Variants in UNC13C observed in about 807,000 individuals in gnomAD.
The protein encoded by UNC13C is protein unc-13 homolog C.
Under a neutral mutation model 245.4 loss-of-function variants are expected in UNC13C, and 174 were observed. The observed-to-expected ratio is 0.71, with a 90% CI of 0.63 to 0.80. The LOEUF (loss-of-function observed/expected upper bound fraction) is 0.80, where lower values mean the gene tolerates loss of function less well. Ranked by LOEUF, UNC13C falls within the 30% of genes least tolerant of loss-of-function variation. The pLI is 0.00. For synonymous variants in UNC13C, 992 were observed against 895.1 expected, an observed-to-expected ratio of 1.11 and a Z score of -1.93; for missense variants, 2,829 against 2,602.9, an observed-to-expected ratio of 1.09 and a Z score of -1.89.
intron 2 of UNC13C, among the ~76,000 whole-genome samples, chr15:54,052,130 A>AT (rs1455931444): frequency 1.3e-4 from 14 of 107,288 alleles, no homozygotes; most frequent in Non-Finnish European, 2.7e-4. Flanking sequence ...CATGGTGTAT[A>AT]TGTGCCACAT....
chr15:54,166,824 G>A (rs1046001886), intron 4 of UNC13C, among the ~76,000 whole-genome samples: 2 of 152,096 alleles, frequency 1.3e-5, no homozygotes, highest in African/African-American at 2.4e-5. Flanking sequence ...ACATTTATGA[G>A]GGAAGTTAAA....
At chr15:54,313,062 G>A (rs955902397) in intron 13 of UNC13C, among the ~76,000 whole-genome samples, 2 of 151,660 alleles carry the variant, frequency 1.3e-5, no homozygotes, top group African/African-American at 2.4e-5. Context: ...CATCCATCAT[G>A]CCCCAGAAAT....
At chr15:53,998,792 ATGTTTTATGG>A (rs772125935) in intron 1 of UNC13C, among the ~76,000 whole-genome samples, 6 of 152,080 alleles carry the variant, frequency 3.9e-5, no homozygotes, top group Non-Finnish European at 7.4e-5. Context: ...TTGCTAAGAA[ATGTTTTATGG>A]CATAAATGGG....
intron 2 of UNC13C, chr15:54,044,369 G>A (rs566057465): frequency 3.3e-4 from 85 of 256,820 alleles, no homozygotes; most frequent in African/African-American, 1.8e-3. Flanking sequence ...TTTGGCTATT[G>A]TGAATGCGGC....
chr15:54,593,178 T>C (rs1308831625), intron 30 of UNC13C, among the ~76,000 whole-genome samples: 1 of 152,236 alleles, frequency 6.6e-6, no homozygotes, highest in African/African-American at 2.4e-5. Context: ...CTAAATCTCC[T>C]GTTAATCTGA....
chr15:53,905,781 A>G, the UNC13C span, among the ~76,000 whole-genome samples: 1 of 152,184 alleles, frequency 6.6e-6, no homozygotes, highest in South Asian at 2.1e-4. Context: ...CACCACACAC[A>G]CAAAGGTAAC....
chr15:54,523,969 T>A (rs2141136023), intron 24 of UNC13C, among the ~76,000 whole-genome samples: 1 of 152,278 alleles, frequency 6.6e-6, no homozygotes, highest in Non-Finnish European at 1.5e-5. Flanking sequence ...TTTAAAAAAA[T>A]TCAGCCTGCA....
In UNC13C at chr15:54,062,531, T is replaced by C. The variant is rs150368566; in HGVS notation, c.2983+46645T>C. On this transcript the variant is annotated intron_variant, in intron 2 of 32. Coordinates refer to ENST00000260323, the MANE Select transcript of UNC13C (RefSeq NM_001080534.3). ...AGCAAAATGAAACTGGTCCTAAACA[T>C]GTGGTGCTTTTTTACATCATTATGT... is the stretch of plus-strand genomic sequence containing the variant. Among the ~76,000 whole-genome samples, 1,507 of 152,258 alleles carry C rather than the reference T, an allele frequency of 9.9e-3. 6 individuals carry two copies. Among genetic ancestry groups the C allele is most frequent in the Middle Eastern group, 0.017 (5 of 294 alleles).
chr15:54,523,887 C>T (rs760639546), intron 24 of UNC13C, among the ~76,000 whole-genome samples: 8 of 152,038 alleles, frequency 5.3e-5, no homozygotes, highest in Non-Finnish European at 8.8e-5. Context: ...TCTCTCATTC[C>T]CTCTTCCCCA....
At chr15:54,150,814 T>TGGTCATG (rs1321782680) in intron 4 of UNC13C, among the ~76,000 whole-genome samples, 1 of 152,184 alleles carries the variant, frequency 6.6e-6, no homozygotes, top group East Asian at 1.9e-4. Flanking sequence ...ATCTATGAAA[T>TGGTCATG]TAAGATAAAA....
intron 32 of UNC13C, among the ~76,000 whole-genome samples, chr15:54,624,366 C>T (rs1440574782): frequency 6.7e-6 from 1 of 150,098 alleles, no homozygotes; most frequent in Non-Finnish European, 1.5e-5. Flanking sequence ...AATAAAAAGC[C>T]AGGCATGGAA....
chr15:54,455,205 C>CTCTCTCTCTCTCTCTCTCTCTA (rs1388065398), intron 19 of UNC13C, among the ~76,000 whole-genome samples: 2 of 18,974 alleles, frequency 1.1e-4, no homozygotes, highest in Admixed American at 1.8e-3. Context: ...CTCTCTCTCT[C>CTCTCTCTCTCTCTCTCTCTCTA]TATATATATA....
chr15:54,162,998 C>T (rs2033033340), intron 4 of UNC13C, among the ~76,000 whole-genome samples: 1 of 152,120 alleles, frequency 6.6e-6, no homozygotes, highest in African/African-American at 2.4e-5. Flanking sequence ...ATTTTCTTTT[C>T]TTCTGTCTCA....
Position 54,010,832 on chromosome 15 carries a change from C to G in UNC13C, c.-256-1816C>G, listed in dbSNP as rs74016053. On this transcript the variant is annotated intron_variant, in intron 1 of 32. Coordinates refer to ENST00000260323, the MANE Select transcript of UNC13C (RefSeq NM_001080534.3). ...GAACATGGGATGGATGACACATGAT[C>G]TAGAATGACTCCTGGGTATATGCTG... Among the ~76,000 whole-genome samples, 1,387 of 152,102 alleles carry G rather than the reference C, an allele frequency of 9.1e-3. 18 individuals carry two copies. The highest frequency in any genetic ancestry group is 0.032 in the African/African-American group (1,330 of 41,504).
chr15:53,875,951 A>G, the UNC13C span, among the ~76,000 whole-genome samples: 8 of 152,200 alleles, frequency 5.3e-5, no homozygotes, highest in Non-Finnish European at 7.3e-5. Context: ...AAGGATGCCA[A>G]TTCATGTGCT....
the UNC13C span, among the ~76,000 whole-genome samples, chr15:53,958,978 C>T: frequency 1.3e-5 from 2 of 152,136 alleles, no homozygotes; most frequent in Admixed American, 6.6e-5. Flanking sequence ...CTTTGGTAAC[C>T]ACCATTCTTC....
the UNC13C span, among the ~76,000 whole-genome samples, chr15:53,854,122 G>GATTTTTGTT: frequency 7.5e-6 from 1 of 133,572 alleles, no homozygotes; most frequent in South Asian, 2.3e-4. Flanking sequence ...GTTTTTATAG[G>GATTTTTGTT]TTTTTTTTTT....
chr15:53,892,718 T>A, the UNC13C span, among the ~76,000 whole-genome samples: 2 of 152,206 alleles, frequency 1.3e-5, no homozygotes, highest in Non-Finnish European at 2.9e-5. Flanking sequence ...GTTTTTCAGC[T>A]CCATCAGGTC....
chr15:54,518,035 T>G (rs1160823325), intron 24 of UNC13C, among the ~76,000 whole-genome samples: 1 of 152,160 alleles, frequency 6.6e-6, no homozygotes, highest in African/African-American at 2.4e-5. Context: ...ATATTTGAAG[T>G]GCTGGCCTTT....
Sources: allele counts gnomAD v4.1 joint callset (sites outside exome capture counted in the v4.1 genomes callset), GRCh38; gene constraint gnomAD v4.1.1; transcripts MANE v1.5; gene names NCBI Gene and HGNC (gene_info 2026-07-23, HGNC 2026-07-21).